DENND5A: variants seen among roughly 807,000 people sequenced by gnomAD.
DENND5A encodes DENN domain containing 5A.
In DENND5A, 64 loss-of-function variants were observed where a neutral mutation model predicts 140.3. The observed-to-expected ratio is 0.46, with a 90% CI of 0.37 to 0.56. DENND5A has a LOEUF of 0.56. Among genes scored for constraint, DENND5A ranks in the 20% least tolerant of loss-of-function variants. The pLI, the probability that DENND5A is intolerant of heterozygous loss-of-function variation, is 0.00. For synonymous variants in DENND5A, 605 were observed against 607.7 expected (o/e 1.00, Z 0.07); for missense variants, 1,292 against 1,593.8 (o/e 0.81, Z 3.22).
At chr11:9,205,340 T>C (rs372274174) in intron 3 of DENND5A, among the ~76,000 whole-genome samples, 1 of 152,186 alleles carries the variant, frequency 6.6e-6, no homozygotes. Context: ...TAAAATATGA[T>C]ATCCTGGGTT....
At chr11:9,234,734 G>C (rs768113168) in intron 1 of DENND5A, among the ~76,000 whole-genome samples, 1 of 152,186 alleles carries the variant, frequency 6.6e-6, no homozygotes, top group Non-Finnish European at 1.5e-5. Context: ...CCTTAAGGAC[G>C]TGCTCCTGCT....
chr11:9,238,934 C>T (rs917924065), intron 1 of DENND5A, among the ~76,000 whole-genome samples: 8 of 151,122 alleles, frequency 5.3e-5, no homozygotes, highest in Non-Finnish European at 8.8e-5. Context: ...TGGGTTCAGA[C>T]GATCCTCCTG....
intron 8 of DENND5A, 101 bp from the exon 9 acceptor site, chr11:9,170,878 T>C: frequency 6.4e-7 from 1 of 1,550,538 alleles, no homozygotes; most frequent in East Asian, 2.3e-5. Flanking sequence ...TACTCTTCCA[T>C]TTCCAGCCAA....
intron 1 of DENND5A, among the ~76,000 whole-genome samples, chr11:9,218,732 G>A (rs1171915983): frequency 2.0e-5 from 3 of 152,066 alleles, no homozygotes; most frequent in East Asian, 1.9e-4. Flanking sequence ...TTGGGCCGGC[G>A]TGGTGGCTCA....
At chr11:9,242,392 T>C (rs528648325) in intron 1 of DENND5A, 59 of 152,184 alleles carry the variant, frequency 3.9e-4, no homozygotes, top group African/African-American at 1.4e-3. Flanking sequence ...TCACAGTGCA[T>C]TGTCATTATT....
chr11:9,139,582 C>T lies in DENND5A; in HGVS notation c.*89G>A, dbSNP rs965525643. ...TGAGTGTACATTTTGTCTCCTACTC[C>T]TGCACAATCGCTTAAGTCCCTTTGG... On this transcript the variant is annotated 3_prime_UTR_variant, in exon 23 of 23. Transcript: ENST00000328194. The T allele has an allele frequency of 4.0e-6, 5 of 1,265,114 alleles. No individual in the cohort carries two copies. The African/African-American group carries it at 7.4e-5, about 19-fold the overall frequency. The allele number at this position is 1,265,114 out of a possible 1,614,324, so 78.4% of individuals were successfully genotyped here.
intron 3 of DENND5A, 69 bp from the exon 4 acceptor site, chr11:9,204,386 CTATT>C: frequency 8.9e-6 from 13 of 1,459,558 alleles, no homozygotes; most frequent in South Asian, 2.5e-5. Context: ...AACACCATCA[CTATT>C]TATTTATTTA....
At chr11:9,231,910 A>C (rs529252142) in intron 1 of DENND5A, among the ~76,000 whole-genome samples, 1 of 152,194 alleles carries the variant, frequency 6.6e-6, no homozygotes, top group South Asian at 2.1e-4. Context: ...TGTTTTATCA[A>C]ATCTGCATTA....
intron 22 of DENND5A, 49 bp downstream of exon 22, chr11:9,141,891 C>T (rs1847254691): frequency 4.0e-6 from 6 of 1,498,874 alleles, no homozygotes; most frequent in Admixed American, 4.4e-5. Context: ...CCTCCAACAC[C>T]ACCACCAAGG....
At chr11:9,145,475 T>C (rs1847396458) in intron 17 of DENND5A, 195 bp downstream of exon 17, 2 of 650,322 alleles carry the variant, frequency 3.1e-6, no homozygotes, top group South Asian at 3.8e-5. Context: ...CTTCCAAACA[T>C]TGTTTAGACA....
chr11:9,150,753 C>G lies in DENND5A; in HGVS notation c.2533G>C (p.Asp845His), dbSNP rs1847588322. 1 of 1,612,126 alleles carries G rather than the reference C, an allele frequency of 6.2e-7. No individual in the cohort carries two copies. Among genetic ancestry groups the G allele is most frequent in the African/African-American group, 1.3e-5 (1 of 74,844 alleles). ...GSLSTSGILLDSERRKSDASS... is the reference protein window; with the variant it reads ...GSLSTSGILLHSERRKSDASS... Reference sequence around the variant, plus strand: ...GCATCAGACTTCCTACGTTCTGAATCAAGAAGTATTCCTAGAATAAACAAG... The same window carrying G: ...GCATCAGACTTCCTACGTTCTGAATGAAGAAGTATTCCTAGAATAAACAAG... The change falls in exon 14 of 23, where the codon GAT (aspartate) becomes CAT (histidine). Residue 845 changes from aspartate (D) to histidine (H), a missense_variant. Coordinates refer to ENST00000328194, the MANE Select transcript of DENND5A (RefSeq NM_015213.4).
chr11:9,247,317 C>G (rs998574329), intron 1 of DENND5A, among the ~76,000 whole-genome samples: 2 of 151,868 alleles, frequency 1.3e-5, no homozygotes, highest in Admixed American at 1.3e-4. Flanking sequence ...TTGCTTGGCA[C>G]CCTGCAGTAA....
rs1416383383 is a variant in DENND5A at position 9,204,432 on chromosome 11, G to C, written c.292-115C>G. 4 of 969,300 alleles carry C rather than the reference G, an allele frequency of 4.1e-6. No individual in the cohort carries two copies. In the African/African-American group the frequency reaches 6.6e-5, roughly 16 times the overall value. The allele number at this position is 969,300 out of a possible 1,614,324, so 60.0% of individuals were successfully genotyped here. A position where few individuals can be genotyped will look rare whatever the true frequency, so the allele number is the denominator to read the frequency against. On this transcript the variant is annotated intron_variant, in intron 3 of 22. Coordinates refer to ENST00000328194, the MANE Select transcript of DENND5A (RefSeq NM_015213.4). ...ACCTACTAAGCTGAGCGTGTATCTG[G>C]CTTAAAGCTCTCTCTTTCTAATGCA... is the stretch of plus-strand genomic sequence containing the variant.
At chr11:9,206,817 A>C (rs1314376404) in intron 2 of DENND5A, 35 bp from the exon 3 acceptor site, 3 of 1,471,780 alleles carry the variant, frequency 2.0e-6, no homozygotes, top group Non-Finnish European at 2.9e-6. Flanking sequence ...TCATTTCTAC[A>C]AAATCCCTTT....
intron 5 of DENND5A, among the ~76,000 whole-genome samples, chr11:9,186,977 G>C (rs529136014): frequency 6.6e-6 from 1 of 152,200 alleles, no homozygotes; most frequent in South Asian, 2.1e-4. Context: ...CCAGCTACTC[G>C]GGAGACTGAG....
intron 1 of DENND5A, among the ~76,000 whole-genome samples, chr11:9,234,178 C>CA (rs11295091): frequency 0.045 from 5,656 of 126,044 alleles, 397 homozygotes; most frequent in African/African-American, 0.15. Flanking sequence ...AACTCCGTCT[C>CA]AAAAAAAAAA....
At chr11:9,236,702 C>G (rs1419291230) in intron 1 of DENND5A, among the ~76,000 whole-genome samples, 1 of 150,646 alleles carries the variant, frequency 6.6e-6, no homozygotes, top group African/African-American at 2.5e-5. Context: ...GGCAACAAAG[C>G]AAGACCTCTG....
intron 4 of DENND5A, among the ~76,000 whole-genome samples, chr11:9,202,343 G>C (rs1249988095): frequency 6.6e-6 from 1 of 152,024 alleles, no homozygotes; most frequent in Non-Finnish European, 1.5e-5. Flanking sequence ...TTCCAAATTT[G>C]ATCAATGATA....
Position 9,165,886 on chromosome 11 carries a change from G to GATGGAGAGA in DENND5A, c.2232_2233insTCTCTCCAT (p.Ala744_Gln745insSerLeuHis). ...CCCTCTACAAACTTCCAATTGGTCT[G>GATGGAGAGA]GGCAATCACTGATGGAGAGAGGTTG... On this transcript the variant is annotated inframe_insertion, in exon 11 of 23. Transcript: ENST00000328194. 6.2e-7 allele frequency: 1 copy of GATGGAGAGA among 1,614,104 alleles called. No homozygotes were observed. Among genetic ancestry groups the GATGGAGAGA allele is most frequent in the Non-Finnish European group, 8.5e-7 (1 of 1,179,974 alleles).
Sources: allele counts gnomAD v4.1 joint callset (sites outside exome capture counted in the v4.1 genomes callset), GRCh38; gene constraint gnomAD v4.1.1; transcripts MANE v1.5; gene names NCBI Gene and HGNC (gene_info 2026-07-23, HGNC 2026-07-21).